NFAT5: variants seen among roughly 807,000 people sequenced by gnomAD.
NFAT5 encodes nuclear factor of activated T-cells 5.
A neutral mutation model predicts 166.5 loss-of-function variants in NFAT5; 31 were observed. The observed-to-expected ratio is 0.19, with a 90% CI of 0.14 to 0.25. The LOEUF (loss-of-function observed/expected upper bound fraction) is 0.25. Ranked by LOEUF, NFAT5 falls within the 10% of genes least tolerant of loss-of-function variation. The probability of loss-of-function intolerance (pLI) is 1.00; values close to 1 mark genes in which losing one functional copy is unlikely to be tolerated. For synonymous variants in NFAT5, 612 were observed against 639.7 expected, an observed-to-expected ratio of 0.96 and a Z score of 0.65; for missense variants, 1,449 against 1,821.8, an observed-to-expected ratio of 0.80 and a Z score of 3.72.
chr16:69,661,481 T>C (rs2036136023), intron 7 of NFAT5, among the ~76,000 whole-genome samples: 1 of 126,084 alleles, frequency 7.9e-6, no homozygotes, highest in Non-Finnish European at 1.5e-5. Flanking sequence ...AGTTTTGAGA[T>C]AGCAGTGAGC....
chr16:69,581,679 C>T (rs1597349737), intron 2 of NFAT5, among the ~76,000 whole-genome samples: 1 of 152,250 alleles, frequency 6.6e-6, no homozygotes, highest in East Asian at 1.9e-4. Context: ...GTAAATGTCT[C>T]TGATGACTAA....
At position 69,698,190 on chromosome 16, in the gene NFAT5, G is replaced by C. The variant is rs762783938; in HGVS notation, c.*1839G>C. 6.6e-6 allele frequency: 1 copy of C among 152,100 alleles called. No homozygotes were observed. Among genetic ancestry groups the C allele is most frequent in the East Asian group, 1.9e-4 (1 of 5,192 alleles). The allele number at this position is 152,100 out of a possible 1,614,324, so 9.4% of individuals were successfully genotyped here. A position where few individuals can be genotyped will look rare whatever the true frequency, so the allele number is the denominator to read the frequency against. On this transcript the variant is annotated 3_prime_UTR_variant, in exon 15 of 15. Coordinates refer to ENST00000349945, the MANE Select transcript of NFAT5 (RefSeq NM_138713.4). ...TTTTCAGTAGTACAGGCTTCTTGCCGATATGAAGGGAACTTTTCAGAAAGA... is the reference window on the plus strand; with the variant it reads ...TTTTCAGTAGTACAGGCTTCTTGCCCATATGAAGGGAACTTTTCAGAAAGA...
At chr16:69,677,441 A>T in intron 10 of NFAT5, 106 bp downstream of exon 10, 3 of 856,754 alleles carry the variant, frequency 3.5e-6, no homozygotes, top group Non-Finnish European at 5.2e-6. Context: ...GCTCACTAAG[A>T]TGAATTGATG....
rs527870623 is a variant in NFAT5 at position 69,680,883 on chromosome 16, C to T, written c.1690+3548C>T. On this transcript the variant is annotated intron_variant, in intron 10 of 14. Coordinates refer to ENST00000349945, the MANE Select transcript of NFAT5 (RefSeq NM_138713.4). The stretch of plus-strand genomic sequence containing the variant: ...CAGGCAATTCTCCTGCCACAGCCTC[C>T]GAAGTAGCTGGGACTACAGGTGCCC... Among the ~76,000 whole-genome samples, 24 of 152,212 alleles carry T rather than the reference C, an allele frequency of 1.6e-4. 1 individual carries two copies. In the South Asian group the frequency reaches 3.3e-3, roughly 21 times the overall value.
chr16:69,576,316 G>A (rs1428908835), intron 2 of NFAT5, among the ~76,000 whole-genome samples: 3 of 148,008 alleles, frequency 2.0e-5, no homozygotes, highest in Non-Finnish European at 4.5e-5. Flanking sequence ...AAAAAAGAAC[G>A]TTTGAAATTG....
chr16:69,588,737 CAG>C (rs764376582), intron 2 of NFAT5, among the ~76,000 whole-genome samples: 1 of 151,916 alleles, frequency 6.6e-6, no homozygotes, highest in Non-Finnish European at 1.5e-5. Flanking sequence ...TAAAATGAAA[CAG>C]AAAAAGTGAA....
intron 2 of NFAT5, among the ~76,000 whole-genome samples, chr16:69,613,315 A>G (rs1301127474): frequency 6.6e-6 from 1 of 152,160 alleles, no homozygotes; most frequent in East Asian, 1.9e-4. Flanking sequence ...TCTAGGACCT[A>G]ATCTATTCTC....
intron 1 of NFAT5, 106 bp from the exon 2 acceptor site, chr16:69,568,388 AT>A: frequency 2.5e-6 from 1 of 404,648 alleles, no homozygotes; most frequent in Non-Finnish European, 4.4e-6. Flanking sequence ...ATATATATAT[AT>A]ATATACACAC....
intron 3 of NFAT5, among the ~76,000 whole-genome samples, chr16:69,637,056 G>C (rs1383235320): frequency 6.6e-6 from 1 of 152,104 alleles, no homozygotes; most frequent in African/African-American, 2.4e-5. Context: ...TTGCTGCTTA[G>C]AAATATCTTC....
chr16:69,662,651 G>A (rs963158559), intron 7 of NFAT5, among the ~76,000 whole-genome samples: 2 of 151,790 alleles, frequency 1.3e-5, no homozygotes, highest in Admixed American at 6.6e-5. Context: ...TAGTAGAGAC[G>A]GGGTTTCACC....
chr16:69,585,424 A>C (rs554364771), intron 2 of NFAT5, among the ~76,000 whole-genome samples: 5 of 152,112 alleles, frequency 3.3e-5, no homozygotes, highest in African/African-American at 7.2e-5. Flanking sequence ...TGGTTCCCCC[A>C]AAAAAGTTAA....
intron 7 of NFAT5, among the ~76,000 whole-genome samples, chr16:69,663,424 G>C (rs756892620): frequency 3.3e-5 from 5 of 151,886 alleles, no homozygotes; most frequent in African/African-American, 4.8e-5. Context: ...ATTTTGTTAT[G>C]TTATATCAAA....
In NFAT5 at chr16:69,601,367, AATTT is replaced by A. The variant is rs2033123948; in HGVS notation, c.128-25023_128-25020del. Among the ~76,000 whole-genome samples the A allele has an allele frequency of 2.0e-5, 3 of 152,004 alleles. No homozygotes were observed. The South Asian group carries it at 6.2e-4, about 32-fold the overall frequency. ...TGATAGCTGCAAAGTATTACGTGGT[AATTT>A]ATTTATTTATTTTTGAGACAGAGTC... On this transcript the variant is annotated intron_variant, in intron 2 of 14. Transcript: ENST00000349945.
chr16:69,596,776 A>G (rs1446887610), intron 2 of NFAT5, among the ~76,000 whole-genome samples: 6 of 152,026 alleles, frequency 3.9e-5, no homozygotes, highest in Non-Finnish European at 8.8e-5. Flanking sequence ...TCTAACTGCA[A>G]CCAAGATAAT....
In NFAT5 at chr16:69,659,851, G is replaced by A; in HGVS notation, c.1321G>A (p.Asp441Asn). 1 of 1,614,062 alleles carries A rather than the reference G, an allele frequency of 6.2e-7. No individual in the cohort carries two copies. The highest frequency in any genetic ancestry group is 8.5e-7 in the Non-Finnish European group (1 of 1,179,978). The change falls in exon 7 of 15, where the codon GAT (aspartate) becomes AAT (asparagine). Residue 441 changes from aspartate to asparagine, a missense_variant. Physicochemically the swap from Asp to Asn is conservative, Grantham distance 23. Around this residue, in one of 7 missense-constraint regions of NFAT5, gnomAD observed 245 missense variants for 366.6 expected, o/e 0.67. Coordinates refer to ENST00000349945, the MANE Select transcript of NFAT5 (RefSeq NM_138713.4). ...TTTTCGAGTTAATATCATGAGGAAA[G>A]ATGGCTCCACTTTGACACTGCAAAC... The part of the protein sequence containing the change: ...LVFRVNIMRK[D>N]GSTLTLQTPS...
At chr16:69,674,044 A>T (rs1597520757) in intron 9 of NFAT5, among the ~76,000 whole-genome samples, 1 of 152,032 alleles carries the variant, frequency 6.6e-6, no homozygotes, top group South Asian at 2.1e-4. Flanking sequence ...GGAGTTCGCG[A>T]CCAGCCTAGA....
At chr16:69,686,103 C>T (rs564632921) in intron 11 of NFAT5, 1 of 152,206 alleles carries the variant, frequency 6.6e-6, no homozygotes, top group African/African-American at 2.4e-5. Context: ...AATATCAACA[C>T]TTTGGGAGGC....
intron 3 of NFAT5, among the ~76,000 whole-genome samples, chr16:69,639,832 T>G (rs1341335486): frequency 6.6e-6 from 1 of 152,186 alleles, no homozygotes; most frequent in Non-Finnish European, 1.5e-5. Context: ...GAATTCTGGC[T>G]TATGGATTAG....
At chr16:69,635,373 T>C (rs543067413) in intron 3 of NFAT5, among the ~76,000 whole-genome samples, 133 of 152,326 alleles carry the variant, frequency 8.7e-4, no homozygotes, top group African/African-American at 3.0e-3. Flanking sequence ...TTATTTTTAC[T>C]TTTTTTCTTT....
Sources: allele counts gnomAD v4.1 joint callset (sites outside exome capture counted in the v4.1 genomes callset), GRCh38; gene constraint gnomAD v4.1.1; regional missense constraint gnomAD v4.1.1; transcripts MANE v1.5; gene names NCBI Gene and HGNC (gene_info 2026-07-23, HGNC 2026-07-21).